Variants in PAX5 observed in about 807,000 individuals in gnomAD.
PAX5 encodes the protein paired box protein Pax-5.
A neutral mutation model predicts 43.7 loss-of-function variants in PAX5; 9 were observed. That is an observed-to-expected ratio of 0.21 (90% CI 0.12 to 0.36). The LOEUF (loss-of-function observed/expected upper bound fraction) is 0.36, where lower values mean the gene tolerates loss of function less well. Among genes scored for constraint, PAX5 ranks in the 10% least tolerant of loss-of-function variants. The pLI, the probability that PAX5 is intolerant of heterozygous loss-of-function variation, is 1.00. For synonymous variants in PAX5, 228 were observed against 214.3 expected (o/e 1.06, Z -0.56); for missense variants, 383 against 532.7 (o/e 0.72, Z 2.77).
In PAX5 at chr9:36,833,597, C is replaced by T; in HGVS notation, c.*6963G>A. On this transcript the variant is annotated 3_prime_UTR_variant, in exon 10 of 10. Coordinates refer to ENST00000358127, the MANE Select transcript of PAX5 (RefSeq NM_016734.3). ...GTCCCACCCCTAGCCCTGCCCTCCTCCCCAAAAAAGAAAAATATGTCCAAC... is the reference window on the plus strand; with the variant it reads ...GTCCCACCCCTAGCCCTGCCCTCCTTCCCAAAAAAGAAAAATATGTCCAAC... The T allele has an allele frequency of 4.3e-6, 1 of 233,048 alleles. No individual in the cohort carries two copies. The highest frequency in any genetic ancestry group is 6.0e-5 in the East Asian group (1 of 16,570). The allele number at this position is 233,048 out of a possible 1,614,324, so 14.4% of individuals were successfully genotyped here.
intron 6 of PAX5, among the ~76,000 whole-genome samples, chr9:36,956,718 C>A (rs548535775): frequency 6.6e-6 from 1 of 152,254 alleles, no homozygotes; most frequent in African/African-American, 2.4e-5. Context: ...AAATGGACAT[C>A]CCCAGGCAAT....
intron 6 of PAX5, among the ~76,000 whole-genome samples, chr9:36,960,471 G>A (rs896785010): frequency 6.6e-6 from 1 of 152,192 alleles, no homozygotes; most frequent in African/African-American, 2.4e-5. Context: ...TGGGGACGGT[G>A]AAGGGGCGTG....
chr9:37,026,387 T>C (rs1324917908), intron 1 of PAX5: 1 of 659,492 alleles, frequency 1.5e-6, no homozygotes, highest in South Asian at 1.9e-5. Context: ...TCAGGTCCCC[T>C]GCCTGGGATC....
At chr9:37,033,293 T>A (rs1221681109) in intron 1 of PAX5, among the ~76,000 whole-genome samples, 1 of 152,094 alleles carries the variant, frequency 6.6e-6, no homozygotes, top group Non-Finnish European at 1.5e-5. Context: ...ACACCACGGA[T>A]CTCCATAGGC....
chr9:36,863,241 C>A (rs184274962), intron 8 of PAX5, among the ~76,000 whole-genome samples: 49 of 152,268 alleles, frequency 3.2e-4, no homozygotes, highest in South Asian at 1.9e-3. Flanking sequence ...CGCCTGGGTT[C>A]TTTTTTTCAA....
chr9:36,956,185 C>T (rs1017124320), intron 6 of PAX5, among the ~76,000 whole-genome samples: 1 of 152,118 alleles, frequency 6.6e-6, no homozygotes, highest in Non-Finnish European at 1.5e-5. Context: ...CACAACACAG[C>T]ACAGGTGGTC....
intron 8 of PAX5, among the ~76,000 whole-genome samples, chr9:36,864,794 G>A (rs541042057): frequency 1.2e-4 from 18 of 152,352 alleles, no homozygotes; most frequent in Admixed American, 9.1e-4. Flanking sequence ...GGTGCCCCTC[G>A]GAGCCCCTCC....
chr9:36,886,329 C>G (rs115422823), intron 7 of PAX5, among the ~76,000 whole-genome samples: 3,373 of 152,310 alleles, frequency 0.022, 102 homozygotes, highest in African/African-American at 0.076. Context: ...CCTGGAACCT[C>G]TAAGAACACG....
rs1821615122 is a variant in PAX5 at position 36,835,968 on chromosome 9, G to A, written c.*4592C>T. 2 of 233,328 alleles carry A rather than the reference G, an allele frequency of 8.6e-6. No homozygotes were observed. Among genetic ancestry groups the A allele is most frequent in the Non-Finnish European group, 1.7e-5 (2 of 118,172 alleles). The allele number at this position is 233,328 out of a possible 1,614,324, so 14.5% of individuals were successfully genotyped here. ...TCAGACTCATCGTGTTTCTAGGGCT[G>A]TGTCAGGGTGCTTGGTTGGTTTTTA... On this transcript the variant is annotated 3_prime_UTR_variant, in exon 10 of 10. Coordinates refer to ENST00000358127, the MANE Select transcript of PAX5 (RefSeq NM_016734.3).
intron 1 of PAX5, among the ~76,000 whole-genome samples, chr9:37,021,495 A>G (rs542084074): frequency 6.6e-6 from 1 of 152,268 alleles, no homozygotes; most frequent in Non-Finnish European, 1.5e-5. Flanking sequence ...ATTCCACTCC[A>G]CTGCACGGGG....
chr9:37,013,166 C>T (rs1345900675), intron 3 of PAX5, among the ~76,000 whole-genome samples: 4 of 152,204 alleles, frequency 2.6e-5, no homozygotes, highest in Non-Finnish European at 5.9e-5. Context: ...GCCCCAGCTT[C>T]TGCCTTCTCT....
chr9:36,940,905 G>A (rs550174235), intron 6 of PAX5, among the ~76,000 whole-genome samples: 11 of 152,270 alleles, frequency 7.2e-5, no homozygotes, highest in South Asian at 6.2e-4. Context: ...AGAAGATTAC[G>A]GGTCCAGGTA....
At chr9:36,955,444 G>A (rs1287930971) in intron 6 of PAX5, among the ~76,000 whole-genome samples, 1 of 151,774 alleles carries the variant, frequency 6.6e-6, no homozygotes, top group Non-Finnish European at 1.5e-5. Flanking sequence ...TTTTGTTTTT[G>A]TCTGAGTCCC....
chr9:36,964,549 A>C (rs1258527397), intron 6 of PAX5, among the ~76,000 whole-genome samples: 1 of 150,686 alleles, frequency 6.6e-6, no homozygotes, highest in Middle Eastern at 3.2e-3. Flanking sequence ...CTAGGATCAC[A>C]CTACTGCACT....
chr9:36,952,298 G>A lies in PAX5; in HGVS notation c.780+14251C>T, dbSNP rs925684262. Among the ~76,000 whole-genome samples, 26 of 125,644 alleles carry A rather than the reference G, an allele frequency of 2.1e-4. No individual in the cohort carries two copies. In the Admixed American group the frequency reaches 2.7e-3, roughly 13 times the overall value. 82.4% of individuals were successfully genotyped at this position (125,644 alleles called of 152,430 possible). ...TCTTTCAGCCAGGCTGGAGCACAAT[G>A]GCGAGATCTCGGCTCACTGCAACCT... On this transcript the variant is annotated intron_variant, in intron 6 of 9. Coordinates refer to ENST00000358127, the MANE Select transcript of PAX5 (RefSeq NM_016734.3).
At chr9:36,848,963 A>C (rs1822877909) in intron 8 of PAX5, among the ~76,000 whole-genome samples, 1 of 152,012 alleles carries the variant, frequency 6.6e-6, no homozygotes, top group South Asian at 2.1e-4. Flanking sequence ...ACCATCCTCT[A>C]CCCTGTCCCC....
chr9:36,992,471 C>A (rs1300146186), intron 5 of PAX5, among the ~76,000 whole-genome samples: 1 of 152,210 alleles, frequency 6.6e-6, no homozygotes, highest in African/African-American at 2.4e-5. Flanking sequence ...CTGGCTGCTG[C>A]TGGCACAGAA....
intron 5 of PAX5, among the ~76,000 whole-genome samples, chr9:36,981,041 A>G (rs897369668): frequency 6.6e-6 from 1 of 151,914 alleles, no homozygotes; most frequent in African/African-American, 2.4e-5. Context: ...TGCCAAGCTC[A>G]CCGGCCTTGG....
At chr9:37,026,454 T>C (rs2132536626) in intron 1 of PAX5, 1 of 1,185,564 alleles carries the variant, frequency 8.4e-7, no homozygotes, top group Non-Finnish European at 1.1e-6. Flanking sequence ...CTTCCGGCCT[T>C]AGTACCTGAC....
Sources: gnomAD v4.1 joint callset for allele counts (sites outside exome capture counted in the v4.1 genomes callset) on GRCh38, gnomAD v4.1.1 for gene constraint, MANE v1.5 for transcripts, NCBI Gene and HGNC (gene_info 2026-07-23, HGNC 2026-07-21) for gene names.